Variants in PHF20 observed in about 807,000 individuals in gnomAD.
PHF20 encodes glioma-expressed antigen 2.
A neutral mutation model predicts 113.5 loss-of-function variants in PHF20; 23 were observed. That is an observed-to-expected ratio of 0.20 (90% CI 0.15 to 0.29). PHF20 has a LOEUF of 0.29. Ranked by LOEUF, PHF20 falls within the 10% of genes least tolerant of loss-of-function variation. The probability of loss-of-function intolerance (pLI) is 1.00; values close to 1 mark genes in which losing one functional copy is unlikely to be tolerated. For missense variants in PHF20, 943 were observed against 1,219.6 expected, an observed-to-expected ratio of 0.77 and a Z score of 3.38; for synonymous variants, 434 against 457.3, an observed-to-expected ratio of 0.95 and a Z score of 0.65.
chr20:35,880,201 C>T (rs1427833679), intron 9 of PHF20, among the ~76,000 whole-genome samples: 5 of 152,086 alleles, frequency 3.3e-5, no homozygotes, highest in South Asian at 2.1e-4. Context: ...GGTGCTTTAG[C>T]GGCAGGGATG....
intron 9 of PHF20, among the ~76,000 whole-genome samples, chr20:35,876,245 A>G (rs1238618910): frequency 6.6e-6 from 1 of 151,780 alleles, no homozygotes; most frequent in East Asian, 1.9e-4. Context: ...TTTTTGAATG[A>G]GGTATTTGCT....
At chr20:35,845,111 T>C (rs897088584) in intron 3 of PHF20, among the ~76,000 whole-genome samples, 1 of 152,134 alleles carries the variant, frequency 6.6e-6, no homozygotes, top group African/African-American at 2.4e-5. Flanking sequence ...TTTTGTTTGG[T>C]TTTTCATTTG....
At position 35,914,257 on chromosome 20, in the gene PHF20, C is replaced by T. The variant is rs375065351; in HGVS notation, c.1825+60C>T. 64 of 1,528,906 alleles carry T rather than the reference C, an allele frequency of 4.2e-5. No individual in the cohort carries two copies. The African/African-American group carries it at 7.0e-4, about 17-fold the overall frequency. The allele number at this position is 1,528,906 out of a possible 1,614,324, so 94.7% of individuals were successfully genotyped here. The stretch of plus-strand genomic sequence containing the variant: ...TCATTTATTGGAAAATACAAGCATA[C>T]CTGGGAGATATTATGGGTTTGGTTC... On this transcript the variant is annotated intron_variant, in intron 12 of 17. Coordinates refer to ENST00000374012, the MANE Select transcript of PHF20 (RefSeq NM_016436.5).
chr20:35,918,874 G>T (rs1201804807), intron 13 of PHF20, among the ~76,000 whole-genome samples: 1 of 152,158 alleles, frequency 6.6e-6, no homozygotes, highest in East Asian at 1.9e-4. Context: ...CAGTAAAGGG[G>T]GTGGCTGCCC....
chr20:35,831,131 CCCTCCCTCTCTT>C (rs1568623862), intron 2 of PHF20, among the ~76,000 whole-genome samples: 1 of 150,954 alleles, frequency 6.6e-6, no homozygotes, highest in African/African-American at 2.4e-5. Context: ...TTCCTTCCCT[CCCTCCCTCTCTT>C]CCTCCCTCCC....
chr20:35,868,206 T>C (rs1051141919), intron 6 of PHF20, among the ~76,000 whole-genome samples: 3 of 151,958 alleles, frequency 2.0e-5, no homozygotes, highest in African/African-American at 7.3e-5. Flanking sequence ...GGCAGGAGAA[T>C]CACTTGAACC....
chr20:35,925,711 T>G (rs1319657431), intron 13 of PHF20, among the ~76,000 whole-genome samples: 4 of 151,776 alleles, frequency 2.6e-5, no homozygotes, highest in Non-Finnish European at 5.9e-5. Flanking sequence ...TTTTTTTTTT[T>G]AGAGAGGCAA....
At chr20:35,826,483 G>A (rs541750871) in intron 2 of PHF20, among the ~76,000 whole-genome samples, 63 of 152,232 alleles carry the variant, frequency 4.1e-4, no homozygotes, top group Admixed American at 3.5e-3. Context: ...GAAGAGAGTC[G>A]CCAGTAATTT....
At chr20:35,832,627 T>C (rs1378709752) in intron 2 of PHF20, among the ~76,000 whole-genome samples, 1 of 152,216 alleles carries the variant, frequency 6.6e-6, no homozygotes, top group Non-Finnish European at 1.5e-5. Flanking sequence ...CAGGGATTGT[T>C]GTTTCAGGTA....
At chr20:35,883,691 C>T (rs1385740931) in intron 9 of PHF20, among the ~76,000 whole-genome samples, 1 of 152,220 alleles carries the variant, frequency 6.6e-6, no homozygotes, top group African/African-American at 2.4e-5. Flanking sequence ...ATCCACTTGC[C>T]TCGGCTTCCC....
intron 2 of PHF20, among the ~76,000 whole-genome samples, chr20:35,818,193 T>A (rs1409471538): frequency 6.6e-6 from 1 of 152,046 alleles, no homozygotes; most frequent in Non-Finnish European, 1.5e-5. Flanking sequence ...GAGGCTTGCT[T>A]GAACCCAGGA....
At chr20:35,859,914 T>C (rs2054186548) in intron 5 of PHF20, among the ~76,000 whole-genome samples, 5 of 152,126 alleles carry the variant, frequency 3.3e-5, no homozygotes, top group African/African-American at 1.2e-4. Flanking sequence ...CTTCTGTATG[T>C]ATATTTGTAA....
At chr20:35,891,708 A>G (rs750073555) in intron 9 of PHF20, among the ~76,000 whole-genome samples, 5 of 152,174 alleles carry the variant, frequency 3.3e-5, no homozygotes, top group Non-Finnish European at 7.3e-5. Flanking sequence ...AAATTAGGAT[A>G]AGGTTGTGAA....
chr20:35,899,870 C>T (rs1342594339), intron 10 of PHF20, among the ~76,000 whole-genome samples: 1 of 152,202 alleles, frequency 6.6e-6, no homozygotes, highest in Non-Finnish European at 1.5e-5. Context: ...ATCGCTTAGC[C>T]TCTGAAGGCC....
At chr20:35,865,434 A>G (rs1280009017) in intron 6 of PHF20, among the ~76,000 whole-genome samples, 2 of 152,026 alleles carry the variant, frequency 1.3e-5, no homozygotes, top group African/African-American at 4.8e-5. Flanking sequence ...CAGTTTAAAA[A>G]AAAAATTTTT....
chr20:35,910,183 T>C (rs1192905057), intron 10 of PHF20, among the ~76,000 whole-genome samples: 1 of 152,170 alleles, frequency 6.6e-6, no homozygotes, highest in East Asian at 1.9e-4. Context: ...ACATATTGTA[T>C]GGTTCCATAT....
In PHF20 at chr20:35,947,355, AT is replaced by A; in HGVS notation, c.2897-129del. 9 of 841,190 alleles carry A rather than the reference AT, an allele frequency of 1.1e-5. 1 individual carries two copies. The highest frequency in any genetic ancestry group is 8.9e-5 in the South Asian group (4 of 44,970). 52.1% of individuals were successfully genotyped at this position (841,190 alleles called of 1,614,324 possible). On this transcript the variant is annotated intron_variant, in intron 17 of 17. Transcript: ENST00000374012. ...GAAATGGCCCTTCCTCCCTTGCCCCATGGAGGCTGAAATGGCCCTTCCTCCC... is the reference window on the plus strand; with the variant it reads ...GAAATGGCCCTTCCTCCCTTGCCCCAGGAGGCTGAAATGGCCCTTCCTCCC...
chr20:35,926,490 CGGCCTCCCAAA>C (rs1439067765), intron 13 of PHF20, among the ~76,000 whole-genome samples: 9 of 152,044 alleles, frequency 5.9e-5, no homozygotes, highest in Non-Finnish European at 1.2e-4. Flanking sequence ...CCGCCCGCCT[CGGCCTCCCAAA>C]GTGCTGGGAT....
At chr20:35,811,644 A>G (rs970882481) in intron 2 of PHF20, among the ~76,000 whole-genome samples, 1 of 151,894 alleles carries the variant, frequency 6.6e-6, no homozygotes, top group Non-Finnish European at 1.5e-5. Context: ...GGGTTTCACC[A>G]TGTTAGGCTG....
Sources: allele counts gnomAD v4.1 joint callset (sites outside exome capture counted in the v4.1 genomes callset), GRCh38; gene constraint gnomAD v4.1.1; transcripts MANE v1.5; gene names NCBI Gene and HGNC (gene_info 2026-07-23, HGNC 2026-07-21).